Variants in DOCK4 observed in about 807,000 individuals in gnomAD.
DOCK4 encodes the protein dedicator of cytokinesis protein 4.
Under a neutral mutation model 268.1 loss-of-function variants are expected in DOCK4, and 97 were observed. That is an observed-to-expected ratio of 0.36 (90% CI 0.31 to 0.43). The LOEUF is 0.43. DOCK4 is among the 20% of genes least tolerant of loss of function. The pLI is 1.00. For synonymous variants in DOCK4, 954 were observed against 887.2 expected, an observed-to-expected ratio of 1.08 and a Z score of -1.34; for missense variants, 2,145 against 2,455.7, an observed-to-expected ratio of 0.87 and a Z score of 2.67.
intron 1 of DOCK4, among the ~76,000 whole-genome samples, chr7:112,093,483 A>C (rs1809827791): frequency 1.3e-5 from 2 of 152,118 alleles, no homozygotes; most frequent in Admixed American, 6.5e-5. Context: ...ATATCACCAC[A>C]CTGGAGTCCA....
At chr7:112,203,620 A>C (rs1821136276) in intron 1 of DOCK4, among the ~76,000 whole-genome samples, 1 of 152,216 alleles carries the variant, frequency 6.6e-6, no homozygotes, top group African/African-American at 2.4e-5. Flanking sequence ...AAGAATGAAG[A>C]AACTAAATTA....
chr7:112,022,908 G>A (rs550780344), intron 1 of DOCK4, among the ~76,000 whole-genome samples: 53 of 152,194 alleles, frequency 3.5e-4, no homozygotes, highest in African/African-American at 1.3e-3. Context: ...CAATCAAAGA[G>A]GAGCCTTTTC....
intron 12 of DOCK4, among the ~76,000 whole-genome samples, chr7:111,930,202 T>A (rs1403966308): frequency 4.6e-5 from 7 of 152,202 alleles, no homozygotes; most frequent in Non-Finnish European, 7.4e-5. Context: ...TATCTAACTG[T>A]GAAGATATAG....
intron 1 of DOCK4, among the ~76,000 whole-genome samples, chr7:112,093,419 A>C (rs1287847946): frequency 6.6e-6 from 1 of 152,092 alleles, no homozygotes; most frequent in Non-Finnish European, 1.5e-5. Flanking sequence ...TAATATTGTG[A>C]CGACATTTAA....
At chr7:112,028,882 A>G (rs887065225) in intron 1 of DOCK4, among the ~76,000 whole-genome samples, 2 of 152,224 alleles carry the variant, frequency 1.3e-5, no homozygotes, top group Non-Finnish European at 2.9e-5. Context: ...ACCTGCTCAC[A>G]TGGTCCTGAT....
chr7:112,049,460 AAAAG>A (rs1805152545), intron 1 of DOCK4, among the ~76,000 whole-genome samples: 1 of 152,166 alleles, frequency 6.6e-6, no homozygotes, highest in Non-Finnish European at 1.5e-5. Context: ...AGAAGACAGA[AAAAG>A]AAGAAAAGGT....
intron 13 of DOCK4, among the ~76,000 whole-genome samples, chr7:111,911,819 T>A (rs73205397): frequency 0.18 from 27,942 of 152,184 alleles, 2,645 homozygotes; most frequent in Non-Finnish European, 0.22. Flanking sequence ...TTTTTTTTTT[T>A]AATATATTAG....
In DOCK4 at chr7:111,728,525, C is replaced by T. The variant is rs369715294; in HGVS notation, c.5677G>A (p.Val1893Met). The change falls in exon 53 of 53, where the codon GTG becomes ATG. Residue 1893 changes from valine (V) to methionine (M), a missense_variant. This residue lies in a region of DOCK4 where 547 missense variants were observed against 469.0 expected (regional missense o/e 1.17). Transcript: ENST00000428084. ...APLPVPVPVP[V>M]PSYGGEEPVR... is the part of the protein sequence containing the mutation. ...GGCTCCTCCCCGCCGTAGCTCGGCA[C>T]GGGCACCGGCACTGGCACCGGCAGG... 4.4e-5 allele frequency: 71 copies of T among 1,613,434 alleles called. 1 individual carries two copies. The highest frequency in any genetic ancestry group is 7.7e-5 in the South Asian group (7 of 91,092).
chr7:111,728,702 T>TGAAA lies in DOCK4; in HGVS notation c.5496_5499dup (p.Thr1834PhefsTer43). On this transcript the variant is annotated frameshift_variant, in exon 53 of 53. Transcript: ENST00000428084. LOFTEE classifies it high-confidence loss of function. ...GAGTGGTACTCCACTGGAGAGGGGG[T>TGAAA]GAAAGACTGCACAGAGCCCTGCTCC... 1 of 1,611,984 alleles carries TGAAA rather than the reference T, an allele frequency of 6.2e-7. No homozygotes were observed. The highest frequency in any genetic ancestry group is 2.2e-5 in the East Asian group (1 of 44,808).
chr7:111,942,923 G>A (rs1795324964), intron 10 of DOCK4, among the ~76,000 whole-genome samples: 1 of 152,186 alleles, frequency 6.6e-6, no homozygotes, highest in African/African-American at 2.4e-5. Flanking sequence ...TTGCCTTGCT[G>A]AGAAAATTAA....
At chr7:112,067,922 C>G (rs1807232285) in intron 1 of DOCK4, among the ~76,000 whole-genome samples, 1 of 152,208 alleles carries the variant, frequency 6.6e-6, no homozygotes, top group African/African-American at 2.4e-5. Context: ...TATTGAATAA[C>G]TTAGACTGCA....
chr7:111,907,267 C>G (rs367710876), intron 13 of DOCK4, among the ~76,000 whole-genome samples: 1 of 152,124 alleles, frequency 6.6e-6, no homozygotes, highest in African/African-American at 2.4e-5. Flanking sequence ...ATACTGAACT[C>G]TTTTGGGAGG....
chr7:111,748,100 AG>A (rs1313191202), intron 42 of DOCK4, among the ~76,000 whole-genome samples: 12 of 152,208 alleles, frequency 7.9e-5, no homozygotes, highest in Non-Finnish European at 1.6e-4. Flanking sequence ...AAATGATAAA[AG>A]TGCTCTTCAA....
chr7:111,865,257 C>T (rs925824033), intron 22 of DOCK4, among the ~76,000 whole-genome samples: 9 of 152,226 alleles, frequency 5.9e-5, no homozygotes, highest in Non-Finnish European at 1.3e-4. Flanking sequence ...AGCCCTTAGT[C>T]CTTCCAGGAC....
chr7:111,843,167 A>G (rs943932790), intron 25 of DOCK4, among the ~76,000 whole-genome samples: 2 of 152,194 alleles, frequency 1.3e-5, no homozygotes, highest in South Asian at 4.1e-4. Context: ...TACTTTTAGG[A>G]AAGAAACTAG....
chr7:111,909,892 G>C (rs1041879639), intron 13 of DOCK4, among the ~76,000 whole-genome samples: 2 of 151,854 alleles, frequency 1.3e-5, no homozygotes, highest in Non-Finnish European at 2.9e-5. Context: ...AGCCCAGAAG[G>C]CTGAGACTGT....
chr7:111,879,105 A>G (rs1294825226), intron 16 of DOCK4, among the ~76,000 whole-genome samples: 1 of 151,994 alleles, frequency 6.6e-6, no homozygotes, highest in East Asian at 1.9e-4. Context: ...AGTGAAAAGT[A>G]AAGAGGACTT....
intron 2 of DOCK4, among the ~76,000 whole-genome samples, chr7:112,001,865 A>G (rs778579486): frequency 2.0e-5 from 3 of 152,194 alleles, no homozygotes; most frequent in Non-Finnish European, 4.4e-5. Context: ...AAGCAGGCTC[A>G]AGGACTGCTG....
At chr7:111,935,371 C>G (rs982317573) in intron 12 of DOCK4, 169 bp downstream of exon 12, 2 of 695,198 alleles carry the variant, frequency 2.9e-6, no homozygotes, top group African/African-American at 3.5e-5. Flanking sequence ...TAAGTACAAC[C>G]CTATCATAGC....
Sources: allele counts gnomAD v4.1 joint callset (sites outside exome capture counted in the v4.1 genomes callset), GRCh38; gene constraint gnomAD v4.1.1; regional missense constraint gnomAD v4.1.1; transcripts MANE v1.5; gene names NCBI Gene and HGNC (gene_info 2026-07-23, HGNC 2026-07-21).